DSCAM: variants seen among roughly 807,000 people sequenced by gnomAD.
DSCAM encodes cell adhesion molecule DSCAM.
In DSCAM, 47 loss-of-function variants were observed where a neutral mutation model predicts 217.7. That is an observed-to-expected ratio of 0.22 (90% CI 0.17 to 0.28). The LOEUF (loss-of-function observed/expected upper bound fraction) is 0.28, where lower values mean the gene tolerates loss of function less well. DSCAM is among the 10% of genes least tolerant of loss of function. DSCAM has a pLI of 1.00. For missense variants in DSCAM, 2,080 were observed against 2,618.3 expected (o/e 0.79, Z 4.49); for synonymous variants, 1,056 against 1,015.3 (o/e 1.04, Z -0.76).
intron 3 of DSCAM, among the ~76,000 whole-genome samples, chr21:40,442,401 ATTT>A: frequency 6.6e-6 from 1 of 151,190 alleles, no homozygotes; most frequent in Middle Eastern, 3.4e-3. Context: ...TTTAAATTTA[ATTT>A]TTTTATATTT....
chr21:40,520,264 T>C (rs1207487431), intron 3 of DSCAM, among the ~76,000 whole-genome samples: 1 of 152,110 alleles, frequency 6.6e-6, no homozygotes, highest in Admixed American at 6.6e-5. Flanking sequence ...CACAGGTCAG[T>C]AGTTATACCT....
intron 21 of DSCAM, among the ~76,000 whole-genome samples, chr21:40,087,857 C>A (rs574225397): frequency 1.3e-5 from 2 of 152,268 alleles, no homozygotes; most frequent in African/African-American, 4.8e-5. Context: ...TTCAGATGCC[C>A]AAACAGGAGC....
chr21:40,384,421 A>G (rs527625908), intron 3 of DSCAM, among the ~76,000 whole-genome samples: 1 of 152,246 alleles, frequency 6.6e-6, no homozygotes, highest in East Asian at 1.9e-4. Context: ...TAGCCTGACC[A>G]ACATGGTGAA....
chr21:40,495,681 G>A (rs1158098145), intron 3 of DSCAM, among the ~76,000 whole-genome samples: 2 of 151,800 alleles, frequency 1.3e-5, no homozygotes, highest in African/African-American at 4.8e-5. Flanking sequence ...CCTAACTGGA[G>A]AAATTAGGAA....
At chr21:40,519,865 C>CAT (rs1555850374) in intron 3 of DSCAM, among the ~76,000 whole-genome samples, 1 of 150,404 alleles carries the variant, frequency 6.6e-6, no homozygotes, top group Non-Finnish European at 1.5e-5. Context: ...TGTGTGTATG[C>CAT]GTGTGTGTGT....
At chr21:40,821,392 C>CGT (rs1023368520) in intron 1 of DSCAM, among the ~76,000 whole-genome samples, 4 of 149,220 alleles carry the variant, frequency 2.7e-5, no homozygotes, top group Non-Finnish European at 4.5e-5. Flanking sequence ...GACACACGCG[C>CGT]GCACACACAC....
Position 40,144,614 on chromosome 21 carries a change from T to C in DSCAM, c.3136A>G (p.Ser1046Gly), listed in dbSNP as rs558874505. The change falls in exon 17 of 33, where the codon AGT becomes GGT. Residue 1046 changes from serine (S) to glycine (G), a missense_variant. Coordinates refer to ENST00000400454, the MANE Select transcript of DSCAM (RefSeq NM_001389.5). This position sits in a 1 kb window ranked among gnomAD's most constrained non-coding sequence, Gnocchi z 4.8. ...AGGTTGTCCAGGGTGTAAACCTCAC[T>C]GTCCCCGCTGGTGTCGACACTGATA... ...NIISVDTSGD[S>G]EVYTLDNLNK... 44 of 1,614,192 alleles carry C rather than the reference T, an allele frequency of 2.7e-5. No individual in the cohort carries two copies. The African/African-American group carries it at 5.1e-4, about 19-fold the overall frequency.
intron 10 of DSCAM, among the ~76,000 whole-genome samples, chr21:40,281,324 T>C (rs1381162568): frequency 6.6e-6 from 1 of 152,154 alleles, no homozygotes. Flanking sequence ...GCAAACAACA[T>C]TGTTGTGCTT....
intron 27 of DSCAM, among the ~76,000 whole-genome samples, chr21:40,071,391 A>G (rs1348091942): frequency 2.0e-5 from 3 of 152,346 alleles, no homozygotes; most frequent in East Asian, 3.9e-4. Flanking sequence ...ACACTGCTAG[A>G]GTCCCATTTT....
intron 1 of DSCAM, among the ~76,000 whole-genome samples, chr21:40,745,575 A>G (rs368122713): frequency 3.3e-5 from 5 of 152,176 alleles, no homozygotes; most frequent in African/African-American, 1.2e-4. Context: ...TTCAAACACA[A>G]TGGAGAGATA....
At chr21:40,063,773 G>A (rs1443150482) in intron 27 of DSCAM, among the ~76,000 whole-genome samples, 1 of 152,186 alleles carries the variant, frequency 6.6e-6, no homozygotes, top group Non-Finnish European at 1.5e-5. Context: ...GCCTTTGGGG[G>A]CTGACAATTA....
In DSCAM at chr21:40,827,530, G is replaced by A. The variant is rs559024058; in HGVS notation, c.43+19089C>T. Among the ~76,000 whole-genome samples, 3 of 150,816 alleles carry A rather than the reference G, an allele frequency of 2.0e-5. No homozygotes were observed. The Admixed American group carries it at 2.0e-4, about 10-fold the overall frequency. On this transcript the variant is annotated intron_variant, in intron 1 of 32. Transcript: ENST00000400454. ...TAAACAGAAAAAGAAGACTAGAAAT[G>A]TGGAAGTCATCAGCCTCATTGACAA...
At position 40,120,122 on chromosome 21, in the gene DSCAM, A is replaced by C. The variant is rs530056620; in HGVS notation, c.3696+4073T>G. Among the ~76,000 whole-genome samples the C allele has an allele frequency of 6.6e-5, 10 of 152,292 alleles. No individual in the cohort carries two copies. The East Asian group carries it at 1.7e-3, about 26-fold the overall frequency. Reference sequence around the variant, plus strand: ...TTATGGGCTACAATGTGGAGAACTTAATTGCCCAGGTCTTCTGGGTAAGAA... The same window carrying C: ...TTATGGGCTACAATGTGGAGAACTTCATTGCCCAGGTCTTCTGGGTAAGAA... On this transcript the variant is annotated intron_variant, in intron 20 of 32. Transcript: ENST00000400454.
intron 1 of DSCAM, among the ~76,000 whole-genome samples, chr21:40,845,944 G>A (rs947324502): frequency 5.9e-5 from 9 of 151,376 alleles, no homozygotes; most frequent in Non-Finnish European, 1.2e-4. Context: ...CTGGGCATGA[G>A]GAAATGTATG....
chr21:40,452,010 C>T (rs1601654502), intron 3 of DSCAM, among the ~76,000 whole-genome samples: 1 of 152,082 alleles, frequency 6.6e-6, no homozygotes, highest in Non-Finnish European at 1.5e-5. Context: ...CAATTGATTA[C>T]CTCCCTGGGA....
At chr21:40,566,681 T>A (rs181505677) in intron 3 of DSCAM, among the ~76,000 whole-genome samples, 1 of 152,294 alleles carries the variant, frequency 6.6e-6, no homozygotes, top group African/African-American at 2.4e-5. Flanking sequence ...GCTGGAACAT[T>A]CAGTGGGCTG....
At chr21:40,425,525 T>A (rs2075464412) in intron 3 of DSCAM, among the ~76,000 whole-genome samples, 2 of 147,788 alleles carry the variant, frequency 1.4e-5, no homozygotes, top group Admixed American at 1.3e-4. Flanking sequence ...AAATAAGAAT[T>A]TTTTTACCCC....
In DSCAM at chr21:40,296,128, A is replaced by G. The variant is rs1189906951; in HGVS notation, c.2109T>C (p.Tyr703=). The G allele has an allele frequency of 5.0e-6, 8 of 1,614,050 alleles. No homozygotes were observed. The African/African-American group carries it at 1.1e-4, about 22-fold the overall frequency. ...VVQPRDQDGI[Y]GKAVILNCSA... ...AACAATTGAGGATGACTGCTTTGCC[A>G]TAAATCCCGTCCTGGTCCCGTGGCT... The change falls in exon 10 of 33, where the codon TAT becomes TAC. Residue 703 remains tyrosine, a synonymous_variant. Coordinates refer to ENST00000400454, the MANE Select transcript of DSCAM (RefSeq NM_001389.5).
At chr21:40,784,794 C>A (rs1021566933) in intron 1 of DSCAM, among the ~76,000 whole-genome samples, 9 of 152,158 alleles carry the variant, frequency 5.9e-5, no homozygotes, top group Non-Finnish European at 1.2e-4. Context: ...AGGCCCTAAC[C>A]AGATGCCGAA....
Sources: gnomAD v4.1 joint callset for allele counts (sites outside exome capture counted in the v4.1 genomes callset) on GRCh38, gnomAD v4.1.1 for gene constraint, Gnocchi (gnomAD v3.1) non-coding constraint, MANE v1.5 for transcripts, NCBI Gene and HGNC (gene_info 2026-07-23, HGNC 2026-07-21) for gene names.